Variants in LRP6 observed in about 807,000 individuals in gnomAD.
The protein encoded by LRP6 is LDL receptor related protein 6, also known as low-density lipoprotein receptor-related protein 6.
In LRP6, 43 loss-of-function variants were observed where a neutral mutation model predicts 184.1. The ratio of observed to expected loss-of-function variants is 0.23; its 90% CI spans 0.18 to 0.30. The LOEUF (loss-of-function observed/expected upper bound fraction) is 0.30. LRP6 is among the 10% of genes least tolerant of loss of function. LRP6 has a pLI of 1.00. For synonymous variants in LRP6, 719 were observed against 684.9 expected (o/e 1.05, Z -0.78); for missense variants, 1,571 against 2,005.3 (o/e 0.78, Z 4.14).
At chr12:12,184,389 AAAAC>A (rs1555113238) in intron 4 of LRP6, among the ~76,000 whole-genome samples, 14 of 106,322 alleles carry the variant, frequency 1.3e-4, no homozygotes, top group South Asian at 1.1e-3. Context: ...AGCAAAACTA[AAAAC>A]AAACAAACAA....
At chr12:12,168,983 C>G (rs1862957902) in intron 7 of LRP6, among the ~76,000 whole-genome samples, 1 of 152,076 alleles carries the variant, frequency 6.6e-6, no homozygotes. Context: ...AATCCCAGCA[C>G]TTTGGGAGGC....
chr12:12,134,259 C>T (rs1949800109), intron 17 of LRP6, among the ~76,000 whole-genome samples: 1 of 152,128 alleles, frequency 6.6e-6, no homozygotes, highest in Non-Finnish European at 1.5e-5. Context: ...TTTACATCAA[C>T]TTCATGATTA....
chr12:12,184,998 AAAAG>A (rs1863435137), intron 4 of LRP6, among the ~76,000 whole-genome samples: 1 of 152,152 alleles, frequency 6.6e-6, no homozygotes, highest in Non-Finnish European at 1.5e-5. Context: ...ATGCCATTTA[AAAAG>A]AAAAACAAGA....
rs1013740652 is a variant in LRP6, at chr12:12,130,793, T to G, written c.4071A>C (p.Glu1357Asp). ...HNVDCSDKSD[E>D]LDCYPTEEPA... ...CTCAGTCCTACTTACAACAATCCAG[T>G]TCATCTGACTTGTCACTGCAATCCA... Residue 1357 changes from glutamate to aspartate, a missense_variant, in exon 19 of 23, where the codon GAA becomes GAC. This residue lies in a region of LRP6 where 763 missense variants were observed against 859.5 expected (regional missense o/e 0.89). Transcript: ENST00000261349. The G allele has an allele frequency of 3.7e-6, 6 of 1,605,304 alleles. No individual in the cohort carries two copies. The highest frequency in any genetic ancestry group is 5.1e-6 in the Non-Finnish European group (6 of 1,172,070).
At position 12,261,154 on chromosome 12, in the gene LRP6, C is replaced by T. The variant is rs565972267; in HGVS notation, c.55+5527G>A. 4.6e-5 allele frequency among the ~76,000 whole-genome samples: 7 copies of T among 152,288 alleles called. 1 individual carries two copies. In the South Asian group the frequency reaches 1.5e-3, roughly 32 times the overall value. ...ATTGAATCATGGCCGGGCGCGGTGG[C>T]TCACGCCTGTAATCCCAACAGTTTG... On this transcript the variant is annotated intron_variant, in intron 1 of 22. Transcript: ENST00000261349.
At chr12:12,257,393 C>T (rs967750273) in intron 1 of LRP6, among the ~76,000 whole-genome samples, 9 of 151,518 alleles carry the variant, frequency 5.9e-5, no homozygotes, top group Admixed American at 1.3e-4. Context: ...CTGGCTAACA[C>T]GGTAAAACCC....
In LRP6 at chr12:12,159,816, G is replaced by A. The variant is rs1394718097; in HGVS notation, c.2428C>T (p.Leu810=). The change falls in exon 11 of 23, where the codon CTG becomes TTG. Residue 810 remains leucine (L), a synonymous_variant. Transcript: ENST00000261349. ...YAKRRLYWTD[L]DTNLIESSNM... ...GAAGATTCTATTAAGTTGGTGTCCA[G>A]GTCTGTCCAATAAAGCCTCCTTTTA... 3 of 1,613,988 alleles carry A rather than the reference G, an allele frequency of 1.9e-6. No individual in the cohort carries two copies. The African/African-American group carries it at 4.0e-5, about 22-fold the overall frequency.
At chr12:12,208,869 CT>C (rs2137055220) in intron 2 of LRP6, among the ~76,000 whole-genome samples, 1 of 152,240 alleles carries the variant, frequency 6.6e-6, no homozygotes, top group African/African-American at 2.4e-5. Context: ...TAGATTTCTC[CT>C]CAGGATATCT....
chr12:12,234,103 C>T (rs775302629), intron 2 of LRP6, among the ~76,000 whole-genome samples: 2 of 152,128 alleles, frequency 1.3e-5, no homozygotes, highest in Non-Finnish European at 2.9e-5. Context: ...GCCTGACCAA[C>T]ATGGAGAAAC....
At chr12:12,237,209 A>G (rs567236059) in intron 2 of LRP6, among the ~76,000 whole-genome samples, 31 of 152,348 alleles carry the variant, frequency 2.0e-4, no homozygotes, top group Non-Finnish European at 3.8e-4. Flanking sequence ...TGCTCAGGAA[A>G]TTACAAGGGT....
At chr12:12,191,291 G>A (rs771279932) in intron 3 of LRP6, among the ~76,000 whole-genome samples, 14 of 152,036 alleles carry the variant, frequency 9.2e-5, no homozygotes, top group Non-Finnish European at 1.2e-4. Flanking sequence ...CACTGGGAGC[G>A]GACTGAAAAG....
At chr12:12,238,025 C>CT (rs757347017) in intron 2 of LRP6, among the ~76,000 whole-genome samples, 6 of 152,088 alleles carry the variant, frequency 3.9e-5, no homozygotes, top group South Asian at 2.1e-4. Context: ...ATTTTTGCAA[C>CT]TTTTTTTCCA....
intron 15 of LRP6, 57 bp from the exon 16 acceptor site, chr12:12,138,591 G>C (rs1329283333): frequency 4.5e-5 from 67 of 1,482,054 alleles, no homozygotes; most frequent in East Asian, 1.4e-4. Context: ...TTATACTTTT[G>C]GTAATTATTT....
intron 2 of LRP6, chr12:12,211,118 T>A (rs1864197126): frequency 6.6e-6 from 1 of 152,214 alleles, no homozygotes; most frequent in Non-Finnish European, 1.5e-5. Context: ...GTGGTTGTTT[T>A]TACAGAGAAT....
At chr12:12,203,065 G>A (rs969031126) in intron 3 of LRP6, 138 bp downstream of exon 3, 12 of 618,998 alleles carry the variant, frequency 1.9e-5, no homozygotes, top group Non-Finnish European at 3.3e-5. Flanking sequence ...CTTTTAAAGA[G>A]CTAACTAAAA....
rs1411042297 is a variant in LRP6, at chr12:12,119,988, A to AAACAAACAAACAAAC, written c.*1137_*1138insGTTTGTTTGTTTGTT. 2.1e-5 allele frequency: 2 copies of AAACAAACAAACAAAC among 97,044 alleles called. No individual in the cohort carries two copies. The highest frequency in any genetic ancestry group is 4.1e-5 in the Non-Finnish European group (2 of 48,554). The allele number at this position is 97,044 out of a possible 1,614,324, so 6.0% of individuals were successfully genotyped here. A position where few individuals can be genotyped will look rare whatever the true frequency, so the allele number is the denominator to read the frequency against. ...TTACTCAGAAAACAAACAAACAAAC[A>AAACAAACAAACAAAC]AAATATATATATATATATATATATA... On this transcript the variant is annotated 3_prime_UTR_variant, in exon 23 of 23. Transcript: ENST00000261349.
At chr12:12,252,761 G>C (rs1865353448) in intron 1 of LRP6, among the ~76,000 whole-genome samples, 1 of 152,144 alleles carries the variant, frequency 6.6e-6, no homozygotes, top group Non-Finnish European at 1.5e-5. Context: ...TTATATAGAA[G>C]TTAACGACCT....
chr12:12,240,069 G>A lies in LRP6; in HGVS notation c.449+4193C>T, dbSNP rs535601754. 3.3e-5 allele frequency among the ~76,000 whole-genome samples: 5 copies of A among 151,156 alleles called. No individual in the cohort carries two copies. In the East Asian group the frequency reaches 9.7e-4, roughly 29 times the overall value. ...ACACACAAAGAGACACACACCACGAGTTTGTTGTTTCTTAATTTCCAAGAC... is the reference window on the plus strand; with the variant it reads ...ACACACAAAGAGACACACACCACGAATTTGTTGTTTCTTAATTTCCAAGAC... On this transcript the variant is annotated intron_variant, in intron 2 of 22. Transcript: ENST00000261349.
intron 19 of LRP6, 98 bp downstream of exon 19, chr12:12,130,685 C>T: frequency 1.3e-6 from 1 of 750,210 alleles, no homozygotes; most frequent in South Asian, 1.5e-5. Context: ...ATACTTATTA[C>T]TTAGAAAGGA....
Sources: gnomAD v4.1 joint callset for allele counts (sites outside exome capture counted in the v4.1 genomes callset) on GRCh38, gnomAD v4.1.1 for gene constraint, gnomAD v4.1.1 regional missense constraint, MANE v1.5 for transcripts, NCBI Gene and HGNC (gene_info 2026-07-23, HGNC 2026-07-21) for gene names.